Variants in ABI1 observed in about 807,000 individuals in gnomAD.
ABI1 encodes Abelson interactor 1.
In ABI1, 14 loss-of-function variants were observed where a neutral mutation model predicts 54.6. The ratio of observed to expected loss-of-function variants is 0.26; its 90% CI spans 0.17 to 0.40. The LOEUF is 0.40. ABI1 is among the 10% of genes least tolerant of loss of function. The pLI is 1.00. For missense variants in ABI1, 443 were observed against 598.3 expected, an observed-to-expected ratio of 0.74 and a Z score of 2.71; for synonymous variants, 194 against 209.3, an observed-to-expected ratio of 0.93 and a Z score of 0.63.
intron 2 of ABI1, among the ~76,000 whole-genome samples, chr10:26,815,062 G>A (rs777463481): frequency 1.8e-4 from 27 of 152,058 alleles, no homozygotes; most frequent in Non-Finnish European, 3.8e-4. Context: ...TATGACAGAT[G>A]TAAATCCCTC....
intron 2 of ABI1, among the ~76,000 whole-genome samples, chr10:26,803,909 A>C (rs2046716821): frequency 6.6e-6 from 1 of 152,188 alleles, no homozygotes; most frequent in Admixed American, 6.5e-5. Context: ...TTAAATAAGT[A>C]CGCATACAAA....
chr10:26,780,150 C>G (rs574362253), intron 2 of ABI1, among the ~76,000 whole-genome samples: 36 of 152,118 alleles, frequency 2.4e-4, no homozygotes, highest in Non-Finnish European at 5.1e-4. Flanking sequence ...AACCCATTTC[C>G]CCCATCAGAA....
chr10:26,770,157 G>C, intron 5 of ABI1, 88 bp downstream of exon 5: 1 of 1,025,976 alleles, frequency 9.7e-7, no homozygotes, highest in East Asian at 2.4e-5. Context: ...GGGTAGTGTG[G>C]CATGGATCCC....
intron 2 of ABI1, among the ~76,000 whole-genome samples, chr10:26,791,517 A>C (rs1843463746): frequency 2.0e-5 from 3 of 152,192 alleles, no homozygotes; most frequent in African/African-American, 7.2e-5. Context: ...AGAGATTTTA[A>C]AGGTTCTAAA....
intron 9 of ABI1, 134 bp from the exon 10 acceptor site, chr10:26,751,917 A>C (rs895313217): frequency 7.2e-6 from 6 of 831,352 alleles, no homozygotes; most frequent in Non-Finnish European, 1.1e-5. Context: ...TAGAAATAAA[A>C]GCTTGGTGTG....
rs1338801063 is a variant in ABI1, at chr10:26,748,564, A to G, written c.*6T>C. The G allele has an allele frequency of 6.3e-7, 1 of 1,594,016 alleles. No individual in the cohort carries two copies. The highest frequency in any genetic ancestry group is 1.1e-5 in the South Asian group (1 of 87,434). Reference sequence around the variant, plus strand: ...ATAAGAATCTACTTCAAAAGAAAAAAAAAAATTAATCAGTATAGTGCATGA... The same window carrying G: ...ATAAGAATCTACTTCAAAAGAAAAAGAAAAATTAATCAGTATAGTGCATGA... On this transcript the variant is annotated 3_prime_UTR_variant, in exon 11 of 11. Transcript: ENST00000376140.
intron 2 of ABI1, among the ~76,000 whole-genome samples, chr10:26,806,368 A>T (rs904458812): frequency 6.6e-6 from 1 of 152,210 alleles, no homozygotes; most frequent in Non-Finnish European, 1.5e-5. Context: ...AAAGTAAGTC[A>T]AGAAATAAGG....
intron 2 of ABI1, among the ~76,000 whole-genome samples, chr10:26,777,991 G>C (rs965801076): frequency 6.6e-6 from 1 of 151,896 alleles, no homozygotes; most frequent in Non-Finnish European, 1.5e-5. Context: ...GGTTGAAAAG[G>C]GTTCATTTAA....
intron 1 of ABI1, among the ~76,000 whole-genome samples, chr10:26,858,705 G>A: frequency 6.6e-6 from 1 of 152,006 alleles, no homozygotes; most frequent in Non-Finnish European, 1.5e-5. Flanking sequence ...ATTGTAGCAA[G>A]AGGAGTAAAG....
At chr10:26,828,427 G>C (rs1266480457) in intron 1 of ABI1, among the ~76,000 whole-genome samples, 1 of 152,146 alleles carries the variant, frequency 6.6e-6, no homozygotes, top group Non-Finnish European at 1.5e-5. Context: ...ACACTTGCTC[G>C]ATGCAAGGTT....
chr10:26,755,787 A>T (rs368782311), intron 8 of ABI1, 46 bp from the exon 9 acceptor site: 190 of 1,345,320 alleles, frequency 1.4e-4, no homozygotes, highest in Middle Eastern at 5.6e-4. Flanking sequence ...AGATAAAGGA[A>T]AGAAAAGGAA....
intron 1 of ABI1, among the ~76,000 whole-genome samples, chr10:26,828,952 C>T (rs1267723398): frequency 6.6e-6 from 1 of 152,100 alleles, no homozygotes. Context: ...TTTAGCCGGG[C>T]GCGGTGGCTC....
At chr10:26,765,833 A>G (rs1839888548) in intron 6 of ABI1, among the ~76,000 whole-genome samples, 1 of 152,182 alleles carries the variant, frequency 6.6e-6, no homozygotes, top group East Asian at 1.9e-4. Flanking sequence ...TTCTCAACCT[A>G]TCTGGAACCA....
At position 26,793,080 on chromosome 10, in the gene ABI1, T is replaced by C. The variant is rs184632465; in HGVS notation, c.286-15839A>G. On this transcript the variant is annotated intron_variant, in intron 2 of 10. Coordinates refer to ENST00000376140, the MANE Select transcript of ABI1 (RefSeq NM_001012750.3). ...CACTGCTACTACAGGAAGGGCATTA[T>C]AGGTTTTAAGCAAAGAACCTTGTAC... 1.8e-4 allele frequency among the ~76,000 whole-genome samples: 27 copies of C among 152,336 alleles called. No individual in the cohort carries two copies. The East Asian group carries it at 3.9e-3, about 22-fold the overall frequency.
At chr10:26,771,517 A>T (rs917409027) in intron 3 of ABI1, among the ~76,000 whole-genome samples, 2 of 152,242 alleles carry the variant, frequency 1.3e-5, no homozygotes, top group Non-Finnish European at 2.9e-5. Context: ...TCCAAGTATG[A>T]GTATTCATTA....
intron 1 of ABI1, among the ~76,000 whole-genome samples, chr10:26,833,376 C>T (rs1418115379): frequency 6.6e-6 from 1 of 152,172 alleles, no homozygotes; most frequent in East Asian, 1.9e-4. Flanking sequence ...TAATTAGCCT[C>T]TGAAATTTTA....
At chr10:26,785,140 T>C (rs1260378600) in intron 2 of ABI1, among the ~76,000 whole-genome samples, 1 of 152,196 alleles carries the variant, frequency 6.6e-6, no homozygotes, top group Admixed American at 6.5e-5. Context: ...TCCCAGCCTC[T>C]GTCGGTAAGA....
Position 26,765,293 on chromosome 10 carries a change from G to T in ABI1, c.745C>A (p.Arg249=), listed in dbSNP as rs34106991. The T allele has an allele frequency of 1.3e-6, 2 of 1,587,802 alleles. No individual in the cohort carries two copies. Among genetic ancestry groups the T allele is most frequent in the Admixed American group, 1.9e-5 (1 of 52,618 alleles). ...ATACTACTGCTACCACTGTTTTCTC[G>T]ACTTCCACTTCCTCCACTACTTCCA... ...HSGSSGGSGS[R]ENSGSSSIGI... Residue 249 remains arginine (R), a synonymous_variant, in exon 7 of 11, where the codon CGA becomes AGA. Transcript: ENST00000376140.
chr10:26,784,606 T>G (rs17816509), intron 2 of ABI1, among the ~76,000 whole-genome samples: 20,676 of 152,188 alleles, frequency 0.14, 1,688 homozygotes, highest in East Asian at 0.31. Context: ...ACATTCTTTA[T>G]AGGCACACAC....
Sources: allele counts gnomAD v4.1 joint callset (sites outside exome capture counted in the v4.1 genomes callset), GRCh38; gene constraint gnomAD v4.1.1; transcripts MANE v1.5; gene names NCBI Gene and HGNC (gene_info 2026-07-23, HGNC 2026-07-21).